TBCE: variants seen among roughly 807,000 people sequenced by gnomAD.
The protein encoded by TBCE is tubulin folding cofactor E.
In TBCE, 53 loss-of-function variants were observed where a neutral mutation model predicts 77.0. That is an observed-to-expected ratio of 0.69 (90% confidence interval 0.55 to 0.87). TBCE has a LOEUF of 0.87. Ranked by LOEUF, TBCE falls within the 40% of genes least tolerant of loss-of-function variation. TBCE has a pLI of 0.00. For missense variants in TBCE, 624 were observed against 622.4 expected, an observed-to-expected ratio of 1.00 and a Z score of -0.03; for synonymous variants, 235 against 241.3, an observed-to-expected ratio of 0.97 and a Z score of 0.24.
At chr1:235,394,928 C>G (rs1678637794) in intron 2 of TBCE, among the ~76,000 whole-genome samples, 1 of 152,140 alleles carries the variant, frequency 6.6e-6, no homozygotes, top group Non-Finnish European at 1.5e-5. Context: ...TGGACTTGAA[C>G]TCCTGGGCTC....
chr1:235,436,664 CAG>C (rs1681469118), intron 11 of TBCE, 56 bp downstream of exon 11: 8 of 1,505,356 alleles, frequency 5.3e-6, no homozygotes, highest in Admixed American at 1.7e-5. Flanking sequence ...ACTCTCATGG[CAG>C]AGTTTGGAGG....
chr1:235,379,607 A>G (rs1053462202), intron 1 of TBCE, among the ~76,000 whole-genome samples: 5 of 151,840 alleles, frequency 3.3e-5, no homozygotes, highest in Non-Finnish European at 7.4e-5. Flanking sequence ...ATCCGTCATC[A>G]CCCTCTATAG....
intron 1 of TBCE, among the ~76,000 whole-genome samples, chr1:235,375,678 C>A (rs1677248605): frequency 6.6e-6 from 1 of 152,058 alleles, no homozygotes; most frequent in African/African-American, 2.4e-5. Context: ...GTTTCTAGGT[C>A]TTCACGGAAG....
In TBCE at chr1:235,436,619, C is replaced by T; in HGVS notation, c.963+11C>T. On this transcript the variant is annotated intron_variant, in intron 11 of 16. Transcript: ENST00000642610. Reference sequence around the variant, plus strand: ...AATCAGATATCACAAGTAAGAGCTGCTCGGAGTATGCCCAGCACACTGTTG... The same window carrying T: ...AATCAGATATCACAAGTAAGAGCTGTTCGGAGTATGCCCAGCACACTGTTG... 6.2e-7 allele frequency: 1 copy of T among 1,611,346 alleles called. No homozygotes were observed. Among genetic ancestry groups the T allele is most frequent in the Non-Finnish European group, 8.5e-7 (1 of 1,177,446 alleles).
At chr1:235,387,517 C>T (rs192209589) in intron 2 of TBCE, among the ~76,000 whole-genome samples, 1 of 152,330 alleles carries the variant, frequency 6.6e-6, no homozygotes, top group East Asian at 1.9e-4. Flanking sequence ...GCACCCCTCC[C>T]CCAGCCGCGC....
intron 2 of TBCE, among the ~76,000 whole-genome samples, chr1:235,386,166 G>C (rs1250082176): frequency 6.6e-6 from 1 of 152,190 alleles, no homozygotes; most frequent in Non-Finnish European, 1.5e-5. Context: ...CTGGCTTGTA[G>C]AGTTTCTGCC....
intron 6 of TBCE, chr1:235,430,423 G>A: frequency 3.0e-6 from 1 of 332,492 alleles, no homozygotes; most frequent in African/African-American, 2.2e-5. Context: ...AAATGCCTGA[G>A]TTTTGGGTTT....
intron 1 of TBCE, among the ~76,000 whole-genome samples, chr1:235,378,286 T>C (rs1677418797): frequency 6.6e-6 from 1 of 152,160 alleles, no homozygotes; most frequent in Non-Finnish European, 1.5e-5. Flanking sequence ...AGTGGCATGA[T>C]CTTGGCTTAC....
intron 3 of TBCE, among the ~76,000 whole-genome samples, chr1:235,404,412 A>G (rs1679299271): frequency 6.6e-6 from 1 of 151,702 alleles, no homozygotes; most frequent in South Asian, 2.1e-4. Flanking sequence ...ACACAATGAG[A>G]TCTCATCATA....
At chr1:235,376,010 C>T (rs1224253482) in intron 1 of TBCE, among the ~76,000 whole-genome samples, 3 of 152,116 alleles carry the variant, frequency 2.0e-5, no homozygotes, top group Admixed American at 2.0e-4. Context: ...CACGCCATTG[C>T]ACTCCAACCT....
At chr1:235,431,956 G>C (rs1681126514) in intron 7 of TBCE, among the ~76,000 whole-genome samples, 1 of 149,952 alleles carries the variant, frequency 6.7e-6, no homozygotes, top group African/African-American at 2.5e-5. Flanking sequence ...ACAGGCGTGA[G>C]CCACCGTGCC....
chr1:235,368,428 T>G (rs1341276009), intron 1 of TBCE, among the ~76,000 whole-genome samples: 2 of 101,874 alleles, frequency 2.0e-5, no homozygotes, highest in Admixed American at 9.9e-5. Context: ...GCCGCTGTGT[T>G]TTGATACTTG....
chr1:235,422,743 C>A (rs552001796), intron 5 of TBCE, among the ~76,000 whole-genome samples: 1 of 152,100 alleles, frequency 6.6e-6, no homozygotes, highest in Non-Finnish European at 1.5e-5. Flanking sequence ...GCAGGAGAAT[C>A]GCTTGAACCT....
At chr1:235,389,382 C>A (rs895468297) in intron 2 of TBCE, among the ~76,000 whole-genome samples, 1 of 152,122 alleles carries the variant, frequency 6.6e-6, no homozygotes, top group Non-Finnish European at 1.5e-5. Context: ...GGCTGGAGTG[C>A]AATGGCACAA....
intron 2 of TBCE, among the ~76,000 whole-genome samples, chr1:235,386,171 T>C (rs1205572193): frequency 6.6e-6 from 1 of 152,240 alleles, no homozygotes. Context: ...TTGTAGAGTT[T>C]CTGCCAAGAG....
In TBCE at chr1:235,427,169, C is replaced by G; in HGVS notation, c.490C>G (p.Leu164Val). Residue 164 changes from leucine to valine, a missense_variant, in exon 6 of 17, where the codon CTG (leucine) becomes GTG (valine). Leu to Val is a conservative substitution (Grantham distance 32). Coordinates refer to ENST00000642610, the MANE Select transcript of TBCE (RefSeq NM_003193.5). ...NIRKVDLSKN[L>V]LSSWDEVIHI... Reference sequence around the variant, plus strand: ...CAGAAAGGTAGATTTGTCAAAAAACCTGTTGTCATCATGGGATGAAGTGAT... The same window carrying G: ...CAGAAAGGTAGATTTGTCAAAAAACGTGTTGTCATCATGGGATGAAGTGAT... The G allele has an allele frequency of 6.2e-7, 1 of 1,613,960 alleles. No homozygotes were observed.
chr1:235,439,382 G>A (rs1346662626), intron 13 of TBCE, among the ~76,000 whole-genome samples: 2 of 150,390 alleles, frequency 1.3e-5, no homozygotes, highest in Non-Finnish European at 3.0e-5. Context: ...TGTAGTCCCA[G>A]CTACTCAGGA....
Position 235,400,659 on chromosome 1 carries a change from C to T in TBCE, c.101-844C>T, listed in dbSNP as rs941452035. On this transcript the variant is annotated intron_variant, in intron 2 of 16. Transcript: ENST00000642610. Reference sequence around the variant, plus strand: ...TCGTGATCCGCCTGCCTCTGCCTCTCAAAGTGCTGGGGTTACAGGCGTGAG... The same window carrying T: ...TCGTGATCCGCCTGCCTCTGCCTCTTAAAGTGCTGGGGTTACAGGCGTGAG... 5.5e-4 allele frequency among the ~76,000 whole-genome samples: 83 copies of T among 151,168 alleles called. 1 individual carries two copies. The highest frequency in any genetic ancestry group is 4.1e-4 in the Non-Finnish European group (28 of 67,930).
chr1:235,382,855 A>C (rs2102819071), intron 2 of TBCE, among the ~76,000 whole-genome samples: 1 of 150,758 alleles, frequency 6.6e-6, no homozygotes, highest in Middle Eastern at 3.4e-3. Context: ...TTTTGTTGCC[A>C]TTGCTTTTGG....
Sources: allele counts gnomAD v4.1 joint callset (sites outside exome capture counted in the v4.1 genomes callset), GRCh38; gene constraint gnomAD v4.1.1; transcripts MANE v1.5; gene names NCBI Gene and HGNC (gene_info 2026-07-23, HGNC 2026-07-21).